VASH2: variants seen among roughly 807,000 people sequenced by gnomAD.
VASH2 encodes the protein vasohibin 2.
In VASH2, 28 loss-of-function variants were observed where a neutral mutation model predicts 37.2. That is an observed-to-expected ratio of 0.75 (90% confidence interval 0.56 to 1.03). The LOEUF (loss-of-function observed/expected upper bound fraction) is 1.03, where lower values mean the gene tolerates loss of function less well. Among genes scored for constraint, VASH2 ranks in the 50% least tolerant of loss-of-function variants. VASH2 has a pLI of 0.00. For synonymous variants in VASH2, 188 were observed against 174.7 expected, an observed-to-expected ratio of 1.08 and a Z score of -0.60; for missense variants, 419 against 459.1, an observed-to-expected ratio of 0.91 and a Z score of 0.80.
rs557428741 is a variant in VASH2 at position 212,985,177 on chromosome 1, A to G, written c.996-3335A>G. Reference sequence around the variant, plus strand: ...GCTGGGACTACAGGCGCATGTCACCATGTCTGGCTAATTTTTTTTGCTTTT... The same window carrying G: ...GCTGGGACTACAGGCGCATGTCACCGTGTCTGGCTAATTTTTTTTGCTTTT... On this transcript the variant is annotated intron_variant, in intron 7 of 7. Transcript: ENST00000517399. 2.8e-5 allele frequency among the ~76,000 whole-genome samples: 4 copies of G among 140,734 alleles called. No individual in the cohort carries two copies. The East Asian group carries it at 8.2e-4, about 29-fold the overall frequency. 92.3% of individuals were successfully genotyped at this position (140,734 alleles called of 152,430 possible).
At chr1:212,966,420 C>A in intron 5 of VASH2, 75 bp downstream of exon 5, 2 of 1,247,664 alleles carry the variant, frequency 1.6e-6, no homozygotes, top group Non-Finnish European at 2.3e-6. Context: ...GTGCCTTTAA[C>A]ATTGTAAATT....
chr1:212,952,656 A>G (rs1050407248), intron 2 of VASH2: 1 of 152,212 alleles, frequency 6.6e-6, no homozygotes, highest in African/African-American at 2.4e-5. Context: ...TATATGAAAC[A>G]TCAAAATGCA....
chr1:212,956,326 T>C (rs1666488871), intron 2 of VASH2, among the ~76,000 whole-genome samples: 1 of 151,878 alleles, frequency 6.6e-6, no homozygotes, highest in Non-Finnish European at 1.5e-5. Context: ...TCCCTCCTCC[T>C]GCCCCCTAGC....
chr1:212,960,124 G>C (rs1239888272), intron 2 of VASH2, among the ~76,000 whole-genome samples: 1 of 152,228 alleles, frequency 6.6e-6, no homozygotes, highest in Non-Finnish European at 1.5e-5. Context: ...GTCCCTGTCT[G>C]TTCTTGCTCT....
At chr1:212,957,578 C>G (rs558543825) in intron 2 of VASH2, among the ~76,000 whole-genome samples, 131 of 152,070 alleles carry the variant, frequency 8.6e-4, no homozygotes, top group Middle Eastern at 3.4e-3. Flanking sequence ...AGCCTAGACC[C>G]CTGACAATAT....
At chr1:212,979,669 G>A (rs558059868) in intron 7 of VASH2, among the ~76,000 whole-genome samples, 12 of 152,182 alleles carry the variant, frequency 7.9e-5, no homozygotes, top group East Asian at 7.7e-4. Context: ...AGAATCAGCC[G>A]AGGGGGAGGG....
At chr1:212,975,300 C>G (rs1476711287) in intron 7 of VASH2, among the ~76,000 whole-genome samples, 3 of 152,206 alleles carry the variant, frequency 2.0e-5, no homozygotes, top group Non-Finnish European at 4.4e-5. Context: ...TACAGCCAGT[C>G]CTGGGTTCAG....
rs1342746781 is a variant in VASH2 at position 212,965,886 on chromosome 1, C to G, written c.422+108C>G. On this transcript the variant is annotated intron_variant, in intron 4 of 7. Coordinates refer to ENST00000517399, the MANE Select transcript of VASH2 (RefSeq NM_001301056.2). ...TAGCCCATGGCTCAGGTATCCTAGTCTGTAAGGGGTGGAGGCGGAGGGTGC... is the reference window on the plus strand; with the variant it reads ...TAGCCCATGGCTCAGGTATCCTAGTGTGTAAGGGGTGGAGGCGGAGGGTGC... 5 of 1,183,198 alleles carry G rather than the reference C, an allele frequency of 4.2e-6. No homozygotes were observed. In the African/African-American group the frequency reaches 7.6e-5, roughly 18 times the overall value. 73.3% of individuals were successfully genotyped at this position (1,183,198 alleles called of 1,614,324 possible). A position where few individuals can be genotyped will look rare whatever the true frequency, so the allele number is the denominator to read the frequency against.
At chr1:212,981,015 C>G (rs557116105) in intron 7 of VASH2, among the ~76,000 whole-genome samples, 1 of 152,278 alleles carries the variant, frequency 6.6e-6, no homozygotes, top group Admixed American at 6.5e-5. Context: ...GCAGAGTGAG[C>G]CAGGAGCCTC....
chr1:212,957,537 T>C (rs771606197), intron 2 of VASH2, among the ~76,000 whole-genome samples: 4 of 152,218 alleles, frequency 2.6e-5, no homozygotes, highest in Non-Finnish European at 5.9e-5. Flanking sequence ...GTTTTCCAGT[T>C]CCAGAAAGTA....
chr1:212,972,451 A>G, intron 5 of VASH2, 129 bp from the exon 6 acceptor site: 2 of 1,088,894 alleles, frequency 1.8e-6, no homozygotes, highest in South Asian at 3.0e-5. Context: ...AGTCTGGAAA[A>G]GTTAGATGTG....
intron 2 of VASH2, among the ~76,000 whole-genome samples, chr1:212,957,226 G>A (rs974425125): frequency 6.6e-6 from 1 of 152,180 alleles, no homozygotes; most frequent in Non-Finnish European, 1.5e-5. Context: ...AGGCTGAATC[G>A]TGTTCCACTG....
At chr1:212,955,434 A>T (rs1267086070) in intron 2 of VASH2, among the ~76,000 whole-genome samples, 1 of 152,156 alleles carries the variant, frequency 6.6e-6, no homozygotes, top group Non-Finnish European at 1.5e-5. Context: ...GCAGTTGACG[A>T]GGTCAAAGGC....
At chr1:212,973,205 T>C (rs775774957) in intron 6 of VASH2, among the ~76,000 whole-genome samples, 14 of 152,248 alleles carry the variant, frequency 9.2e-5, no homozygotes, top group Non-Finnish European at 1.5e-4. Flanking sequence ...TCATTTTATA[T>C]TGAAGCTCTA....
At chr1:212,987,258 C>CTT (rs148744740) in intron 7 of VASH2, among the ~76,000 whole-genome samples, 179 of 140,304 alleles carry the variant, frequency 1.3e-3, no homozygotes, top group African/African-American at 2.9e-3. Context: ...TCTTTTTGGT[C>CTT]TTTTTTTTTT....
intron 2 of VASH2, among the ~76,000 whole-genome samples, chr1:212,959,799 G>T (rs915517732): frequency 5.9e-5 from 9 of 152,226 alleles, no homozygotes; most frequent in African/African-American, 2.2e-4. Flanking sequence ...CCCCAGCGGA[G>T]TCCCCTTCCA....
rs768355821 is a variant in VASH2 at position 212,953,229 on chromosome 1, G to A, written c.276+1411G>A. ...TTCCTCCAACCATGTATGCGGGTGC[G>A]CGGGGGGGGGTGCATTCTCTATGTG... On this transcript the variant is annotated intron_variant, in intron 2 of 7. Coordinates refer to ENST00000517399, the MANE Select transcript of VASH2 (RefSeq NM_001301056.2). 7.3e-5 allele frequency among the ~76,000 whole-genome samples: 8 copies of A among 109,072 alleles called. No individual in the cohort carries two copies. In the East Asian group the frequency reaches 2.0e-3, roughly 28 times the overall value. 71.6% of individuals were successfully genotyped at this position (109,072 alleles called of 152,430 possible). A position where few individuals can be genotyped will look rare whatever the true frequency, so the allele number is the denominator to read the frequency against.
chr1:212,964,687 G>C (rs1484778263), intron 3 of VASH2, among the ~76,000 whole-genome samples: 3 of 152,120 alleles, frequency 2.0e-5, no homozygotes, highest in Admixed American at 1.3e-4. Context: ...ATGAAAAAAA[G>C]TGACATCTCC....
chr1:212,960,541 A>G (rs1471966439), intron 2 of VASH2, among the ~76,000 whole-genome samples: 7 of 152,180 alleles, frequency 4.6e-5, no homozygotes, highest in Admixed American at 3.9e-4. Context: ...CTAGGGCACC[A>G]TTCACTTTAT....
Sources: allele counts gnomAD v4.1 joint callset (sites outside exome capture counted in the v4.1 genomes callset), GRCh38; gene constraint gnomAD v4.1.1; transcripts MANE v1.5; gene names NCBI Gene and HGNC (gene_info 2026-07-23, HGNC 2026-07-21).